AKT1S1: variants seen among roughly 807,000 people sequenced by gnomAD.
AKT1S1 encodes the protein AKT1 substrate 1, also known as proline-rich AKT1 substrate 1.
A neutral mutation model predicts 21.2 loss-of-function variants in AKT1S1; 17 were observed. The observed-to-expected ratio is 0.80, with a 90% CI of 0.55 to 1.20. The LOEUF is 1.20. Ranked by LOEUF, AKT1S1 falls within the 50% of genes most tolerant of loss-of-function variation. AKT1S1 has a pLI of 0.00. For missense variants in AKT1S1, 366 were observed against 368.3 expected, an observed-to-expected ratio of 0.99 and a Z score of 0.05; for synonymous variants, 181 against 165.6, an observed-to-expected ratio of 1.09 and a Z score of -0.72.
intron 1 of AKT1S1, chr19:49,875,932 C>A (rs1471477665): frequency 2.0e-6 from 2 of 985,404 alleles, no homozygotes; most frequent in Non-Finnish European, 2.4e-6. Flanking sequence ...GGAGGAAGAA[C>A]CCGCCCCGAT....
chr19:49,873,068 C>T lies in AKT1S1; in HGVS notation c.228G>A (p.Arg76=). 4 of 1,553,924 alleles carry T rather than the reference C, an allele frequency of 2.6e-6. 1 individual carries two copies. The South Asian group carries it at 3.6e-5, about 14-fold the overall frequency. ...ALAHRAATAA[R]PPAPPPAPQP... ...GTGGTGCTGGTGGGGGCGCAGGAGGCCGAGCAGCAGTGGCAGCCCTGTGGG... is the reference window on the plus strand; with the variant it reads ...GTGGTGCTGGTGGGGGCGCAGGAGGTCGAGCAGCAGTGGCAGCCCTGTGGG... The change falls in exon 2 of 5, where the codon CGG becomes CGA. Residue 76 remains arginine, a synonymous_variant. Transcript: ENST00000344175. The surrounding 1 kb of genome is among the most constrained non-coding windows in gnomAD (Gnocchi z 6.9).
In AKT1S1 at chr19:49,871,593, T is replaced by A; in HGVS notation, c.581A>T (p.Lys194Met). 1 of 1,614,060 alleles carries A rather than the reference T, an allele frequency of 6.2e-7. No homozygotes were observed. The highest frequency in any genetic ancestry group is 8.5e-7 in the Non-Finnish European group (1 of 1,180,004). The change falls in exon 4 of 5, where the codon AAG (lysine) becomes ATG (methionine). Residue 194 changes from lysine to methionine, a missense_variant. By Grantham distance (95) the Lys-to-Met change is moderately conservative. Transcript: ENST00000344175. ...LPVSVPVWGF[K>M]EKRTEARSSD... ...TGACCGCGCCTCTGTCCTCTTCTCC[T>A]TGAAGCCCCAGACGGGCACAGACAC...
chr19:49,878,271 C>G (rs779166451), upstream of AKT1S1: 1 of 1,541,358 alleles, frequency 6.5e-7, no homozygotes, highest in Non-Finnish European at 8.8e-7. Flanking sequence ...GGCTCGGACC[C>G]GCTCCGAGCG....
chr19:49,876,709 C>T, intron 1 of AKT1S1: 2 of 1,418,866 alleles, frequency 1.4e-6, no homozygotes, highest in Non-Finnish European at 9.3e-7. Context: ...TCCGCACACT[C>T]CGCCTCCCTT....
In AKT1S1 at chr19:49,869,515, G is replaced by A. The variant is rs965229454; in HGVS notation, c.*402C>T. 1.9e-5 allele frequency: 3 copies of A among 161,536 alleles called. No individual in the cohort carries two copies. Among genetic ancestry groups the A allele is most frequent in the African/African-American group, 2.4e-5 (1 of 41,796 alleles). The allele number at this position is 161,536 out of a possible 1,614,324, so 10.0% of individuals were successfully genotyped here. A position where few individuals can be genotyped will look rare whatever the true frequency, so the allele number is the denominator to read the frequency against. On this transcript the variant is annotated 3_prime_UTR_variant, in exon 5 of 5. Transcript: ENST00000344175. ...CGGTGACTATGTAGAGACTGGTCAA[G>A]CCCTTTACAGGATTTGAGCCAATCA...
intron 1 of AKT1S1, chr19:49,875,783 G>A (rs1302743494): frequency 1.1e-6 from 1 of 934,908 alleles, no homozygotes; most frequent in Non-Finnish European, 1.3e-6. Context: ...AAAGGACAGG[G>A]CGACTTCCAC....
chr19:49,875,058 A>T (rs1046430492), intron 1 of AKT1S1: 1 of 152,240 alleles, frequency 6.6e-6, no homozygotes, highest in African/African-American at 2.4e-5. Context: ...AGATGGGATC[A>T]ACCTTCTCAT....
At chr19:49,877,428 T>G, upstream of AKT1S1, 2 of 456,522 alleles carry the variant, frequency 4.4e-6, no homozygotes, top group Non-Finnish European at 7.9e-6. Context: ...TTGCCCCAGG[T>G]GGTGCAGCTC....
chr19:49,877,651 G>A (rs1361315170), upstream of AKT1S1: 2 of 1,544,578 alleles, frequency 1.3e-6, no homozygotes, highest in African/African-American at 1.4e-5. Flanking sequence ...GAGGGGAACT[G>A]TTTTCTCCGG....
At chr19:49,872,062 C>T (rs376701529) in intron 2 of AKT1S1, among the ~76,000 whole-genome samples, 173 bp from the exon 3 acceptor site, 12 of 152,310 alleles carry the variant, frequency 7.9e-5, no homozygotes, top group African/African-American at 2.4e-4. Flanking sequence ...GCCTGGTCAT[C>T]GGCAAAAACC....
intron 4 of AKT1S1, among the ~76,000 whole-genome samples, chr19:49,871,017 G>A (rs2074877623): frequency 6.6e-6 from 1 of 152,200 alleles, no homozygotes; most frequent in Non-Finnish European, 1.5e-5. Flanking sequence ...TCCAGTCCCA[G>A]CTCTGCCTCT....
chr19:49,877,685 A>G (rs200889721), upstream of AKT1S1: 3 of 1,595,282 alleles, frequency 1.9e-6, no homozygotes, highest in Non-Finnish European at 2.6e-6. Flanking sequence ...CTGACTAGGA[A>G]AAGGAGGAGG....
intron 2 of AKT1S1, among the ~76,000 whole-genome samples, chr19:49,872,264 T>C (rs1406858358): frequency 2.0e-5 from 3 of 152,220 alleles, no homozygotes; most frequent in Non-Finnish European, 4.4e-5. Context: ...CGAGGTCCCA[T>C]GGCTACTAAG....
chr19:49,877,012 C>T, intron 1 of AKT1S1: 1 of 262,968 alleles, frequency 3.8e-6, no homozygotes, highest in Non-Finnish European at 7.2e-6. Flanking sequence ...TATTGGCTCT[C>T]CCTCCCTCCA....
intron 1 of AKT1S1, chr19:49,876,873 TGACCACAGTAAAC>T: frequency 2.1e-6 from 1 of 467,860 alleles, no homozygotes; most frequent in South Asian, 4.6e-5. Flanking sequence ...TGCTCAATCA[TGACCACAGTAAAC>T]GAAGGCAAGC....
At chr19:49,876,555 C>G (rs2074946868) in intron 1 of AKT1S1, 2 of 1,478,764 alleles carry the variant, frequency 1.4e-6, no homozygotes, top group Non-Finnish European at 1.8e-6. Context: ...TGCCTCAGGA[C>G]GGCCAAATCC....
Position 49,873,550 on chromosome 19 carries a change from T to TC in AKT1S1, c.-7-249dup. ...TCCTGCCCCAAGTCACTGTACTCCT[T>TC]CCCCTTTGGCCCTGCCCTGGCCTCT... On this transcript the variant is annotated intron_variant, in intron 1 of 4. Transcript: ENST00000344175. The surrounding 1 kb of genome is among the most constrained non-coding windows in gnomAD (Gnocchi z 6.9). 2 of 631,874 alleles carry TC rather than the reference T, an allele frequency of 3.2e-6. No homozygotes were observed. The highest frequency in any genetic ancestry group is 4.7e-6 in the Non-Finnish European group (2 of 421,212). 39.1% of individuals were successfully genotyped at this position (631,874 alleles called of 1,614,324 possible).
chr19:49,876,050 A>C, intron 1 of AKT1S1: 2 of 985,310 alleles, frequency 2.0e-6, no homozygotes, highest in Non-Finnish European at 2.4e-6. Flanking sequence ...GGGAGGAGGG[A>C]AAAGAGCTAA....
At chr19:49,870,791 G>A (rs1357466103) in intron 4 of AKT1S1, among the ~76,000 whole-genome samples, 2 of 152,216 alleles carry the variant, frequency 1.3e-5, no homozygotes, top group African/African-American at 2.4e-5. Flanking sequence ...GCCATGAGTC[G>A]CAAGCACAGA....
Sources: gnomAD v4.1 joint callset for allele counts (sites outside exome capture counted in the v4.1 genomes callset) on GRCh38, gnomAD v4.1.1 for gene constraint, Gnocchi (gnomAD v3.1) non-coding constraint, MANE v1.5 for transcripts, NCBI Gene and HGNC (gene_info 2026-07-23, HGNC 2026-07-21) for gene names.